The following LAMA4 variants were observed in gnomAD, a reference collection of about 807,000 sequenced individuals.
LAMA4 encodes the protein laminin subunit alpha-4.
A neutral mutation model predicts 207.1 loss-of-function variants in LAMA4; 127 were observed. The ratio of observed to expected loss-of-function variants is 0.61; its 90% CI spans 0.53 to 0.71. The LOEUF (loss-of-function observed/expected upper bound fraction) is 0.71, where lower values mean the gene tolerates loss of function less well. LAMA4 is among the 30% of genes least tolerant of loss of function. LAMA4 has a pLI of 0.00. For missense variants in LAMA4, 2,093 were observed against 2,246.5 expected (o/e 0.93, Z 1.38); for synonymous variants, 761 against 816.0 (o/e 0.93, Z 1.15).
intron 2 of LAMA4, among the ~76,000 whole-genome samples, chr6:112,222,566 C>A (rs549839208): frequency 3.3e-5 from 5 of 152,292 alleles, no homozygotes; most frequent in African/African-American, 1.2e-4. Context: ...CCATCCTAAC[C>A]ACTCTTAAGC....
In LAMA4 at chr6:112,132,878, C is replaced by T; in HGVS notation, c.3709G>A (p.Ala1237Thr). Residue 1237 changes from alanine to threonine, a missense_variant, in exon 28 of 39, where the codon GCA (alanine) becomes ACA (threonine). By Grantham distance (58) the Ala-to-Thr change is moderately conservative (BLOSUM62 0). Coordinates refer to ENST00000230538, the MANE Select transcript of LAMA4 (RefSeq NM_001105206.3). ...ATGAAGCTCTGTCCATTGAAATATG[C>T]TCTGCGAGATATCTGTGTGCCAGAA... ...CPEDSLISRRAYFNGQSFIAS... is the reference protein window; with the variant it reads ...CPEDSLISRRTYFNGQSFIAS... 6.2e-7 allele frequency: 1 copy of T among 1,612,990 alleles called. No homozygotes were observed. The highest frequency in any genetic ancestry group is 2.2e-5 in the East Asian group (1 of 44,858).
At chr6:112,162,582 A>C (rs565323572) in intron 13 of LAMA4, among the ~76,000 whole-genome samples, 1 of 152,292 alleles carries the variant, frequency 6.6e-6, no homozygotes, top group Non-Finnish European at 1.5e-5. Context: ...TGGAGTTTTG[A>C]TTTGAGCAAT....
intron 17 of LAMA4, among the ~76,000 whole-genome samples, chr6:112,149,003 A>C (rs7775823): frequency 0.3 from 45,203 of 148,404 alleles, 7,355 homozygotes; most frequent in African/African-American, 0.43. Context: ...TGGTTATATG[A>C]CCTAATTTGG....
intron 2 of LAMA4, among the ~76,000 whole-genome samples, chr6:112,251,105 A>G (rs1191922140): frequency 6.6e-6 from 1 of 152,198 alleles, no homozygotes; most frequent in South Asian, 2.1e-4. Flanking sequence ...TCAAGAAGCA[A>G]AGGTGGGAAA....
At chr6:112,189,315 G>T in intron 6 of LAMA4, 110 bp from the exon 7 acceptor site, 1 of 749,372 alleles carries the variant, frequency 1.3e-6, no homozygotes. Flanking sequence ...ATTCATCAAT[G>T]GGAATTAATT....
At chr6:112,195,839 T>C (rs1783382802) in intron 5 of LAMA4, among the ~76,000 whole-genome samples, 1 of 152,018 alleles carries the variant, frequency 6.6e-6, no homozygotes, top group South Asian at 2.1e-4. Context: ...GGTCTTGGGT[T>C]TTAGTTTTGG....
chr6:112,189,744 A>T (rs1200817751), intron 6 of LAMA4, among the ~76,000 whole-genome samples: 1 of 152,174 alleles, frequency 6.6e-6, no homozygotes, highest in East Asian at 1.9e-4. Flanking sequence ...CCTCCAAATG[A>T]CAGCTATGAG....
rs1301220308 is a variant in LAMA4, at chr6:112,253,936, C to T, written c.195+20G>A. 2 of 1,607,594 alleles carry T rather than the reference C, an allele frequency of 1.2e-6. No homozygotes were observed. The highest frequency in any genetic ancestry group is 2.2e-5 in the East Asian group (1 of 44,574). ...GGGCGCAGGTGCCCCAGCAGGGTGG[C>T]AATGGCAGGGACACTGTACCTCGGC... is the stretch of plus-strand genomic sequence containing the variant. On this transcript the variant is annotated intron_variant, in intron 2 of 38. Transcript: ENST00000230538.
intron 24 of LAMA4, among the ~76,000 whole-genome samples, chr6:112,136,801 C>T (rs1779381909): frequency 6.6e-6 from 1 of 151,526 alleles, no homozygotes; most frequent in Non-Finnish European, 1.5e-5. Context: ...TGTTTTCATT[C>T]TACTTTCTGA....
chr6:112,222,038 G>A lies in LAMA4; in HGVS notation c.196-5569C>T, dbSNP rs542759302. Among the ~76,000 whole-genome samples, 20 of 152,252 alleles carry A rather than the reference G, an allele frequency of 1.3e-4. No individual in the cohort carries two copies. The South Asian group carries it at 4.1e-3, about 32-fold the overall frequency. ...AACTTTTGGCTCCATATGTTTTTCA[G>A]ATCAGGCTTAACATGTCCTGATTTT... On this transcript the variant is annotated intron_variant, in intron 2 of 38. Transcript: ENST00000230538.
rs547502161 is a variant in LAMA4, at chr6:112,137,040, TA to T, written c.3283-787del. On this transcript the variant is annotated intron_variant, in intron 24 of 38. Coordinates refer to ENST00000230538, the MANE Select transcript of LAMA4 (RefSeq NM_001105206.3). ...TCCATATTATCAGCAAATATGGATT[TA>T]AAAAAAGAAGGCCATTGCTGTATTG... 7.6e-4 allele frequency among the ~76,000 whole-genome samples: 115 copies of T among 152,284 alleles called. 1 individual carries two copies. Among genetic ancestry groups the T allele is most frequent in the African/African-American group, 2.6e-3 (109 of 41,558 alleles).
intron 2 of LAMA4, chr6:112,251,453 C>T (rs1415774535): frequency 2.6e-5 from 4 of 152,180 alleles, no homozygotes; most frequent in African/African-American, 4.8e-5. Context: ...TTCTTCATTC[C>T]CTCTGAAGGA....
In LAMA4 at chr6:112,185,255, TA is replaced by T; in HGVS notation, c.1058del (p.Val353GlufsTer4). 6.2e-7 allele frequency: 1 copy of T among 1,606,046 alleles called. No individual in the cohort carries two copies. Among genetic ancestry groups the T allele is most frequent in the Non-Finnish European group, 8.5e-7 (1 of 1,172,630 alleles). On this transcript the variant is annotated frameshift_variant, in exon 9 of 39. Coordinates refer to ENST00000230538, the MANE Select transcript of LAMA4 (RefSeq NM_001105206.3). LOFTEE classifies it high-confidence loss of function. ...ENTMKSLLSD[V>X]EELVEKENQA... ...TACGTACCTTTTCAACTAATTCCTCTACGTCAGACAGAAGGCTTTTCATCGT... is the reference window on the plus strand; with the variant it reads ...TACGTACCTTTTCAACTAATTCCTCTCGTCAGACAGAAGGCTTTTCATCGT...
chr6:112,209,329 C>T (rs1368037571), intron 3 of LAMA4, among the ~76,000 whole-genome samples: 1 of 152,150 alleles, frequency 6.6e-6, no homozygotes. Flanking sequence ...CCAATTCTGT[C>T]CCCTTATGGC....
chr6:112,253,388 T>A (rs906496826), intron 2 of LAMA4: 5 of 272,296 alleles, frequency 1.8e-5, no homozygotes, highest in African/African-American at 1.1e-4. Flanking sequence ...AATGGAAACA[T>A]CTTGTTTCTG....
rs1554334933 is a variant in LAMA4 at position 112,148,159 on chromosome 6, G to T, written c.2351C>A (p.Ala784Glu). ...ATTGTGAAATTTCTAAGTGATACCT[G>T]CATCCCTAGCAGAGTTCACTGCAGT... ...YNTAVNSARD[A>E]VRNLTEVVPQ... The change falls in exon 18 of 39, where the codon GCA becomes GAA. Residue 784 changes from alanine (A) to glutamate (E), a missense_variant and splice_region_variant. This residue lies in a region of LAMA4 where 1,704 missense variants were observed against 1,788.4 expected (regional missense o/e 0.95). Transcript: ENST00000230538. 1 of 1,613,080 alleles carries T rather than the reference G, an allele frequency of 6.2e-7. No individual in the cohort carries two copies. Among genetic ancestry groups the T allele is most frequent in the Admixed American group, 1.7e-5 (1 of 60,014 alleles).
chr6:112,180,102 A>T (rs1424480780), intron 9 of LAMA4, among the ~76,000 whole-genome samples: 1 of 152,196 alleles, frequency 6.6e-6, no homozygotes, highest in Non-Finnish European at 1.5e-5. Context: ...GATCCAGTTT[A>T]AGTTATATTT....
At chr6:112,132,125 CAGAT>C (rs782402858) in intron 28 of LAMA4, among the ~76,000 whole-genome samples, 2 of 152,058 alleles carry the variant, frequency 1.3e-5, no homozygotes, top group East Asian at 1.9e-4. Flanking sequence ...ATTTTGGTAA[CAGAT>C]AGCGACCGCT....
chr6:112,155,379 C>G (rs1355719399), intron 15 of LAMA4, 186 bp downstream of exon 15: 3 of 646,664 alleles, frequency 4.6e-6, no homozygotes, highest in African/African-American at 1.8e-5. Flanking sequence ...TGGACTACAG[C>G]ACATCTCGAA....
Sources: allele counts gnomAD v4.1 joint callset (sites outside exome capture counted in the v4.1 genomes callset), GRCh38; gene constraint gnomAD v4.1.1; regional missense constraint gnomAD v4.1.1; transcripts MANE v1.5; gene names NCBI Gene and HGNC (gene_info 2026-07-23, HGNC 2026-07-21).